The following SLC24A2 variants were observed in gnomAD, a reference collection of about 807,000 sequenced individuals.
SLC24A2 encodes the protein solute carrier family 24 member 2.
Under a neutral mutation model 62.0 loss-of-function variants are expected in SLC24A2, and 36 were observed. The observed-to-expected ratio is 0.58, with a 90% CI of 0.44 to 0.77. The LOEUF (loss-of-function observed/expected upper bound fraction) is 0.77, where lower values mean the gene tolerates loss of function less well. Ranked by LOEUF, SLC24A2 falls within the 30% of genes least tolerant of loss-of-function variation. The pLI, the probability that SLC24A2 is intolerant of heterozygous loss-of-function variation, is 0.00. For synonymous variants in SLC24A2, 358 were observed against 294.0 expected (o/e 1.22, Z -2.23); for missense variants, 846 against 817.9 (o/e 1.03, Z -0.42).
chr9:20,208,262 C>T, the SLC24A2 span, among the ~76,000 whole-genome samples: 1 of 152,110 alleles, frequency 6.6e-6, no homozygotes, highest in Non-Finnish European at 1.5e-5. Flanking sequence ...GAAGTCTTCA[C>T]AGGAAAGCAG....
chr9:20,145,577 T>A, the SLC24A2 span, among the ~76,000 whole-genome samples: 1 of 151,246 alleles, frequency 6.6e-6, no homozygotes, highest in African/African-American at 2.4e-5. Flanking sequence ...AAAAGTAAAT[T>A]GCTCCTATGA....
At position 19,650,014 on chromosome 9, in the gene SLC24A2, C is replaced by T. The variant is rs547074851; in HGVS notation, c.931-27715G>A. Among the ~76,000 whole-genome samples, 444 of 152,288 alleles carry T rather than the reference C, an allele frequency of 2.9e-3. 3 individuals carry two copies. Among genetic ancestry groups the T allele is most frequent in the African/African-American group, 0.01 (420 of 41,542 alleles). On this transcript the variant is annotated intron_variant, in intron 2 of 10. Transcript: ENST00000341998. ...GTTGAATTCTAACTCTGGCGGGGTACAACTGGTGACATAACATACACAGCA... is the reference window on the plus strand; with the variant it reads ...GTTGAATTCTAACTCTGGCGGGGTATAACTGGTGACATAACATACACAGCA...
rs1818187053 is a variant in SLC24A2, at chr9:19,631,812, C to T, written c.931-9513G>A. Among the ~76,000 whole-genome samples, 5 of 152,154 alleles carry T rather than the reference C, an allele frequency of 3.3e-5. No homozygotes were observed. In the South Asian group the frequency reaches 1.0e-3, roughly 32 times the overall value. On this transcript the variant is annotated intron_variant, in intron 2 of 10. Transcript: ENST00000341998. ...TCATTAAAAAATTCTCTGGCTTCAT[C>T]CCTGGGACCCTGTGCCCAGACACTG... is the stretch of plus-strand genomic sequence containing the variant.
At chr9:19,785,090 G>C (rs1587324192) in intron 2 of SLC24A2, among the ~76,000 whole-genome samples, 1 of 152,130 alleles carries the variant, frequency 6.6e-6, no homozygotes, top group African/African-American at 2.4e-5. Flanking sequence ...ATATAAATCA[G>C]AACTCCATTA....
the SLC24A2 span, among the ~76,000 whole-genome samples, chr9:20,248,512 G>C: frequency 2.0e-5 from 3 of 152,082 alleles, no homozygotes; most frequent in Non-Finnish European, 2.9e-5. Context: ...GTCCTCACAT[G>C]GAAGAGAGCA....
chr9:20,004,854 T>C, the SLC24A2 span, among the ~76,000 whole-genome samples: 1 of 151,992 alleles, frequency 6.6e-6, no homozygotes, highest in Non-Finnish European at 1.5e-5. Flanking sequence ...TGAACCTGAG[T>C]TGATGTAAAG....
chr9:19,842,407 A>G, the SLC24A2 span, among the ~76,000 whole-genome samples: 1 of 152,344 alleles, frequency 6.6e-6, no homozygotes, highest in African/African-American at 2.4e-5. Context: ...GTTAGGAGAC[A>G]ACACTTGAAA....
At chr9:19,521,610 CTG>C (rs1230773389) in intron 9 of SLC24A2, among the ~76,000 whole-genome samples, 2 of 152,222 alleles carry the variant, frequency 1.3e-5, no homozygotes, top group Non-Finnish European at 2.9e-5. Context: ...AGCAAAGCAA[CTG>C]TGGAGAAGCA....
chr9:20,290,375 C>T, the SLC24A2 span, among the ~76,000 whole-genome samples: 2 of 152,226 alleles, frequency 1.3e-5, no homozygotes, highest in Non-Finnish European at 1.5e-5. Flanking sequence ...TGTACAGTTT[C>T]TTGTCAGTTG....
chr9:19,967,947 A>C, the SLC24A2 span: 1 of 152,174 alleles, frequency 6.6e-6, no homozygotes, highest in Non-Finnish European at 1.5e-5. Context: ...ATTTGAAATA[A>C]CTTTTTTAAA....
At chr9:20,008,397 T>C in the SLC24A2 span, among the ~76,000 whole-genome samples, 5 of 152,074 alleles carry the variant, frequency 3.3e-5, no homozygotes, top group East Asian at 7.8e-4. Flanking sequence ...CTTCTGTACA[T>C]GGATATTCTC....
the SLC24A2 span, among the ~76,000 whole-genome samples, chr9:19,904,680 A>T: frequency 6.6e-6 from 1 of 152,204 alleles, no homozygotes. Flanking sequence ...TGAATGCTGC[A>T]TACATTGTAT....
the SLC24A2 span, among the ~76,000 whole-genome samples, chr9:20,024,810 T>C: frequency 6.6e-6 from 1 of 152,108 alleles, no homozygotes; most frequent in African/African-American, 2.4e-5. Flanking sequence ...TCCCAAAGCA[T>C]GAAGCATCTG....
chr9:20,227,056 T>C, the SLC24A2 span, among the ~76,000 whole-genome samples: 1 of 152,158 alleles, frequency 6.6e-6, no homozygotes, highest in Non-Finnish European at 1.5e-5. Flanking sequence ...CAAACACTGG[T>C]GGTAACTTTA....
At chr9:19,961,518 A>G in the SLC24A2 span, among the ~76,000 whole-genome samples, 1 of 152,226 alleles carries the variant, frequency 6.6e-6, no homozygotes, top group Non-Finnish European at 1.5e-5. Context: ...TTTGGAGGTT[A>G]GCTAAAGAAC....
chr9:20,043,228 G>C, the SLC24A2 span, among the ~76,000 whole-genome samples: 2 of 152,174 alleles, frequency 1.3e-5, no homozygotes, highest in African/African-American at 4.8e-5. Context: ...GAAATTAAAA[G>C]TGCTACTCCA....
chr9:20,126,780 C>G, the SLC24A2 span, among the ~76,000 whole-genome samples: 2 of 152,072 alleles, frequency 1.3e-5, no homozygotes, highest in Non-Finnish European at 2.9e-5. Context: ...CTTAATTATA[C>G]CAGTCCTGAA....
chr9:20,194,878 A>G, the SLC24A2 span, among the ~76,000 whole-genome samples: 2 of 151,954 alleles, frequency 1.3e-5, no homozygotes, highest in East Asian at 3.8e-4. Flanking sequence ...CACACACTAC[A>G]TCTTTTCCCA....
chr9:19,722,410 T>C (rs1821052882), intron 2 of SLC24A2, among the ~76,000 whole-genome samples: 1 of 152,150 alleles, frequency 6.6e-6, no homozygotes, highest in South Asian at 2.1e-4. Flanking sequence ...TGACTTTCTA[T>C]ATAATAACAA....
Sources: gnomAD v4.1 joint callset for allele counts (sites outside exome capture counted in the v4.1 genomes callset) on GRCh38, gnomAD v4.1.1 for gene constraint, MANE v1.5 for transcripts, NCBI Gene and HGNC (gene_info 2026-07-23, HGNC 2026-07-21) for gene names.